IMPA2: variants seen among roughly 807,000 people sequenced by gnomAD.
IMPA2 encodes IMP 2.
In IMPA2, 32 loss-of-function variants were observed where a neutral mutation model predicts 35.1. That is an observed-to-expected ratio of 0.91 (90% CI 0.69 to 1.23). IMPA2 has a LOEUF of 1.23. Ranked by LOEUF, IMPA2 falls within the 50% of genes most tolerant of loss-of-function variation. IMPA2 has a pLI of 0.00. For synonymous variants in IMPA2, 135 were observed against 160.6 expected (o/e 0.84, Z 1.20); for missense variants, 334 against 387.6 (o/e 0.86, Z 1.16).
chr18:12,014,854 C>T (rs373286708), intron 5 of IMPA2, among the ~76,000 whole-genome samples: 22 of 152,148 alleles, frequency 1.4e-4, no homozygotes, highest in Admixed American at 1.4e-3. Flanking sequence ...GGCACCTTAG[C>T]CCCTCTGCAG....
chr18:12,003,339 C>T (rs916777846), intron 2 of IMPA2, among the ~76,000 whole-genome samples: 4 of 152,042 alleles, frequency 2.6e-5, no homozygotes, highest in Admixed American at 6.6e-5. Context: ...GCATTTAACT[C>T]GTAACATGAC....
chr18:11,985,671 C>T (rs1906645067), intron 1 of IMPA2, among the ~76,000 whole-genome samples: 1 of 152,122 alleles, frequency 6.6e-6, no homozygotes, highest in South Asian at 2.1e-4. Flanking sequence ...TGTCTGTGTC[C>T]ACCTCATGTG....
At chr18:11,996,200 A>G (rs1470068313) in intron 1 of IMPA2, among the ~76,000 whole-genome samples, 3 of 152,042 alleles carry the variant, frequency 2.0e-5, no homozygotes, top group African/African-American at 7.3e-5. Flanking sequence ...CAGTGAGAAA[A>G]CCCCAGAGCA....
chr18:12,029,108 G>GTTTTTTT lies in IMPA2; in HGVS notation c.751+134_751+140dup, dbSNP rs1158665365. The GTTTTTTT allele has an allele frequency of 5.5e-4, 147 of 267,210 alleles. 3 individuals carry two copies. Among genetic ancestry groups the GTTTTTTT allele is most frequent in the African/African-American group, 1.6e-3 (33 of 20,710 alleles). 16.6% of individuals were successfully genotyped at this position (267,210 alleles called of 1,614,324 possible). On this transcript the variant is annotated intron_variant, in intron 7 of 7. Transcript: ENST00000269159. ...ATTTCCCACCTTCCCCAGAGTTTCT[G>GTTTTTTT]TTTTTTTTTTTTTTTTTTTTTTTTT...
chr18:12,022,528 AAT>A (rs202132842), intron 5 of IMPA2, among the ~76,000 whole-genome samples: 3,413 of 96,766 alleles, frequency 0.035, 149 homozygotes, highest in South Asian at 0.078. Context: ...TCTCAAAAAG[AAT>A]ATATATATAT....
intron 2 of IMPA2, among the ~76,000 whole-genome samples, chr18:12,005,488 GA>G (rs5823191): frequency 0.44 from 61,094 of 140,444 alleles, 14,311 homozygotes; most frequent in East Asian, 0.65. Context: ...ATGTCTCCAA[GA>G]AAAAAAAAAA....
intron 5 of IMPA2, among the ~76,000 whole-genome samples, chr18:12,016,423 C>T (rs1191768467): frequency 6.7e-6 from 1 of 149,136 alleles, no homozygotes; most frequent in Non-Finnish European, 1.5e-5. Context: ...CTGATTCTGC[C>T]GCTTTTTTTT....
chr18:12,018,686 A>G (rs1286177308), intron 5 of IMPA2, among the ~76,000 whole-genome samples: 1 of 152,212 alleles, frequency 6.6e-6, no homozygotes, highest in African/African-American at 2.4e-5. Flanking sequence ...TTTCCAAAAT[A>G]AGAAAGCTTT....
chr18:12,015,081 C>T (rs1907541213), intron 5 of IMPA2, among the ~76,000 whole-genome samples: 2 of 152,172 alleles, frequency 1.3e-5, no homozygotes, highest in African/African-American at 2.4e-5. Flanking sequence ...CAGAAGAATG[C>T]CAGACAAATG....
chr18:12,015,912 G>A (rs915147279), intron 5 of IMPA2, among the ~76,000 whole-genome samples: 4 of 152,064 alleles, frequency 2.6e-5, no homozygotes, highest in South Asian at 2.1e-4. Flanking sequence ...CTGGCTGCCC[G>A]CCCGTGTAGC....
chr18:11,981,807 A>G (rs1002941977), intron 1 of IMPA2, 42 bp downstream of exon 1: 106 of 1,186,678 alleles, frequency 8.9e-5, no homozygotes, highest in South Asian at 4.7e-4. Flanking sequence ...GCGGAGCAGA[A>G]GCGCGTGGGC....
intron 5 of IMPA2, among the ~76,000 whole-genome samples, chr18:12,014,971 T>G (rs1016221525): frequency 6.6e-5 from 10 of 152,206 alleles, no homozygotes; most frequent in African/African-American, 2.4e-4. Context: ...CTGTCCTGAA[T>G]GGGCCAGTTT....
At chr18:12,028,770 C>G in intron 6 of IMPA2, 72 bp from the exon 7 acceptor site, 1 of 1,517,016 alleles carries the variant, frequency 6.6e-7, no homozygotes, top group Non-Finnish European at 8.9e-7. Context: ...GGGTACCTGG[C>G]TGAAGTCGGC....
chr18:12,025,072 T>C (rs1050435118), intron 5 of IMPA2, among the ~76,000 whole-genome samples: 1 of 152,190 alleles, frequency 6.6e-6, no homozygotes, highest in African/African-American at 2.4e-5. Flanking sequence ...CAACCACTGA[T>C]CTTTTTACTG....
intron 2 of IMPA2, among the ~76,000 whole-genome samples, chr18:12,002,043 A>G (rs1305254760): frequency 6.6e-6 from 1 of 152,232 alleles, no homozygotes. Flanking sequence ...TTGTTTTTCA[A>G]CATATTTATG....
intron 5 of IMPA2, among the ~76,000 whole-genome samples, chr18:12,016,221 A>T (rs1907574423): frequency 6.6e-6 from 1 of 152,192 alleles, no homozygotes; most frequent in Non-Finnish European, 1.5e-5. Flanking sequence ...AAATATCACC[A>T]AATTCCTCCA....
intron 1 of IMPA2, among the ~76,000 whole-genome samples, chr18:11,989,650 A>G (rs1906758656): frequency 6.6e-6 from 1 of 152,166 alleles, no homozygotes; most frequent in Non-Finnish European, 1.5e-5. Context: ...GGCAGAAGGC[A>G]CTGCCCTTGC....
In IMPA2 at chr18:12,028,507, G is replaced by A. The variant is rs1336611407; in HGVS notation, c.600-335G>A. On this transcript the variant is annotated intron_variant, in intron 6 of 7. Coordinates refer to ENST00000269159, the MANE Select transcript of IMPA2 (RefSeq NM_014214.3). ...ATCCTCTTTGTCTCTTGCCTTCCCA[G>A]TAGGGCTGTGCTGTGAGCCCTAGCC... 1.6e-5 allele frequency: 7 copies of A among 439,388 alleles called. 1 individual carries two copies. The Admixed American group carries it at 2.2e-4, about 14-fold the overall frequency. 27.2% of individuals were successfully genotyped at this position (439,388 alleles called of 1,614,324 possible).
rs115548867 is a variant in IMPA2 at position 11,982,121 on chromosome 18, C to T, written c.96+356C>T. Among the ~76,000 whole-genome samples the T allele has an allele frequency of 4.7e-4, 72 of 152,282 alleles. 1 individual carries two copies. The highest frequency in any genetic ancestry group is 1.5e-3 in the African/African-American group (62 of 41,564). On this transcript the variant is annotated intron_variant, in intron 1 of 7. Coordinates refer to ENST00000269159, the MANE Select transcript of IMPA2 (RefSeq NM_014214.3). ...AACGGATTCAGCTCGCGGTAGGAAGCCCGGGGCTAAGCCCCAGCCGCGTGG... is the reference window on the plus strand; with the variant it reads ...AACGGATTCAGCTCGCGGTAGGAAGTCCGGGGCTAAGCCCCAGCCGCGTGG...
Sources: allele counts gnomAD v4.1 joint callset (sites outside exome capture counted in the v4.1 genomes callset), GRCh38; gene constraint gnomAD v4.1.1; transcripts MANE v1.5; gene names NCBI Gene and HGNC (gene_info 2026-07-23, HGNC 2026-07-21).